Variants in EFNA5 observed in about 807,000 individuals in gnomAD.
EFNA5 encodes ephrin-A5.
Under a neutral mutation model 22.9 loss-of-function variants are expected in EFNA5, and 5 were observed. The ratio of observed to expected loss-of-function variants is 0.22; its 90% confidence interval spans 0.11 to 0.46. The LOEUF is 0.46. Ranked by LOEUF, EFNA5 falls within the 20% of genes least tolerant of loss-of-function variation. EFNA5 has a pLI of 0.99. For missense variants in EFNA5, 237 were observed against 293.3 expected, an observed-to-expected ratio of 0.81 and a Z score of 1.40; for synonymous variants, 113 against 112.2, an observed-to-expected ratio of 1.01 and a Z score of -0.04.
At chr5:107,659,399 A>T (rs564277006) in intron 1 of EFNA5, among the ~76,000 whole-genome samples, 1 of 151,962 alleles carries the variant, frequency 6.6e-6, no homozygotes, top group Admixed American at 6.6e-5. Flanking sequence ...GAAATCCAAA[A>T]TTGATTCCAA....
rs1040492827 is a variant in EFNA5, at chr5:107,380,782, G to C, written c.*473C>G. Reference sequence around the variant, plus strand: ...GACATGGTGACATGATGCCCTGCGCGATCATCTTACAGTTCTGAATGAGAA... The same window carrying C: ...GACATGGTGACATGATGCCCTGCGCCATCATCTTACAGTTCTGAATGAGAA... On this transcript the variant is annotated 3_prime_UTR_variant, in exon 5 of 5. Transcript: ENST00000333274. 27 of 399,846 alleles carry C rather than the reference G, an allele frequency of 6.8e-5. No individual in the cohort carries two copies. The highest frequency in any genetic ancestry group is 8.8e-6 in the Non-Finnish European group (2 of 226,926). The allele number at this position is 399,846 out of a possible 1,614,324, so 24.8% of individuals were successfully genotyped here.
At chr5:107,409,164 C>T (rs1748296900) in intron 2 of EFNA5, among the ~76,000 whole-genome samples, 1 of 152,226 alleles carries the variant, frequency 6.6e-6, no homozygotes, top group African/African-American at 2.4e-5. Flanking sequence ...TAAATACTTA[C>T]ACCACCCTAG....
chr5:107,459,177 T>G (rs184090500), intron 1 of EFNA5, among the ~76,000 whole-genome samples: 1 of 152,066 alleles, frequency 6.6e-6, no homozygotes, highest in African/African-American at 2.4e-5. Flanking sequence ...GTGGATCACC[T>G]GAGGTCTGAA....
Position 107,589,081 on chromosome 5 carries a change from T to G in EFNA5, c.125+81408A>C, listed in dbSNP as rs75952484. On this transcript the variant is annotated intron_variant, in intron 1 of 4. Coordinates refer to ENST00000333274, the MANE Select transcript of EFNA5 (RefSeq NM_001962.3). ...GTGGCAGTATGAGAGTGAAACCCAG[T>G]CTAGAGACTTGCCATTTCAAGTGGC... 3.9e-3 allele frequency among the ~76,000 whole-genome samples: 593 copies of G among 152,230 alleles called. 5 individuals are homozygous for G. The highest frequency in any genetic ancestry group is 0.014 in the African/African-American group (569 of 41,540).
chr5:107,528,736 T>G (rs565252539), intron 1 of EFNA5, among the ~76,000 whole-genome samples: 48 of 152,322 alleles, frequency 3.2e-4, no homozygotes, highest in African/African-American at 1.0e-3. Flanking sequence ...ATGGTCAAAC[T>G]ATTGCAAATG....
At chr5:107,598,227 T>TATTC (rs1235983728) in intron 1 of EFNA5, among the ~76,000 whole-genome samples, 1 of 152,152 alleles carries the variant, frequency 6.6e-6, no homozygotes, top group African/African-American at 2.4e-5. Context: ...ACAGTGTTAT[T>TATTC]ATTCACATTT....
intron 4 of EFNA5, among the ~76,000 whole-genome samples, chr5:107,382,231 T>C (rs1039912185): frequency 3.3e-5 from 5 of 152,216 alleles, no homozygotes; most frequent in Non-Finnish European, 7.3e-5. Context: ...CAGGCTTAAC[T>C]TCCAAATGGG....
intron 1 of EFNA5, among the ~76,000 whole-genome samples, chr5:107,558,275 T>TC (rs1748466837): frequency 6.6e-6 from 1 of 152,080 alleles, no homozygotes; most frequent in South Asian, 2.1e-4. Flanking sequence ...GTTTTTTTTT[T>TC]GTTGTTTATT....
chr5:107,662,826 G>C (rs1349692375), intron 1 of EFNA5, among the ~76,000 whole-genome samples: 1 of 136,420 alleles, frequency 7.3e-6, no homozygotes, highest in African/African-American at 2.7e-5. Flanking sequence ...CAAATAAAAA[G>C]AACTACTTAG....
chr5:107,591,313 T>G (rs1375654170), intron 1 of EFNA5, among the ~76,000 whole-genome samples: 2 of 152,152 alleles, frequency 1.3e-5, no homozygotes, highest in African/African-American at 2.4e-5. Flanking sequence ...CTGGCAACAC[T>G]GTCCATATTA....
At chr5:107,602,902 G>T (rs1483928643) in intron 1 of EFNA5, among the ~76,000 whole-genome samples, 2 of 152,152 alleles carry the variant, frequency 1.3e-5, no homozygotes, top group Admixed American at 6.5e-5. Flanking sequence ...GGGATAAAAA[G>T]CCCTAGATAC....
At chr5:107,621,710 C>G (rs1275642548) in intron 1 of EFNA5, among the ~76,000 whole-genome samples, 3 of 152,176 alleles carry the variant, frequency 2.0e-5, no homozygotes, top group South Asian at 2.1e-4. Context: ...GAGCATTAAA[C>G]TAGAAAACAT....
chr5:107,436,930 T>C (rs152605), intron 1 of EFNA5, among the ~76,000 whole-genome samples: 38,167 of 151,788 alleles, frequency 0.25, 4,979 homozygotes, highest in East Asian at 0.53. Flanking sequence ...TAATAATAAC[T>C]AAAGGGTTAA....
Position 107,480,534 on chromosome 5 carries a change from T to C in EFNA5, c.126-53025A>G, listed in dbSNP as rs140457715. On this transcript the variant is annotated intron_variant, in intron 1 of 4. Coordinates refer to ENST00000333274, the MANE Select transcript of EFNA5 (RefSeq NM_001962.3). ...ATACGTAAAGCGCTGGCCTAGGCAC[T>C]ATATGGATCAAGACTAAAGACACAG... Among the ~76,000 whole-genome samples, 538 of 152,342 alleles carry C rather than the reference T, an allele frequency of 3.5e-3. 5 individuals are homozygous for C. Among genetic ancestry groups the C allele is most frequent in the African/African-American group, 0.011 (457 of 41,570 alleles).
intron 1 of EFNA5, among the ~76,000 whole-genome samples, chr5:107,649,281 A>G (rs555066726): frequency 6.6e-6 from 1 of 152,276 alleles, no homozygotes; most frequent in Non-Finnish European, 1.5e-5. Flanking sequence ...TATTTTTTTA[A>G]AAGATATTTT....
intron 1 of EFNA5, among the ~76,000 whole-genome samples, chr5:107,467,501 A>C (rs940577705): frequency 6.6e-6 from 1 of 152,210 alleles, no homozygotes; most frequent in African/African-American, 2.4e-5. Context: ...AAGGCTATAA[A>C]GTTTCCATGA....
intron 1 of EFNA5, among the ~76,000 whole-genome samples, chr5:107,598,456 G>C (rs1021041565): frequency 3.3e-5 from 5 of 151,342 alleles, no homozygotes; most frequent in Non-Finnish European, 7.4e-5. Flanking sequence ...ACTTAATATA[G>C]AAAAATCAAG....
rs917461013 is a variant in EFNA5, at chr5:107,423,408, A to G, written c.418+3809T>C. Reference sequence around the variant, plus strand: ...GAGTATTTTTTAAGTTTCTAAAAGGAGTATTAAAAAAAAAAAAAAGACAGG... The same window carrying G: ...GAGTATTTTTTAAGTTTCTAAAAGGGGTATTAAAAAAAAAAAAAAGACAGG... On this transcript the variant is annotated intron_variant, in intron 2 of 4. Coordinates refer to ENST00000333274, the MANE Select transcript of EFNA5 (RefSeq NM_001962.3). 1.7e-3 allele frequency among the ~76,000 whole-genome samples: 144 copies of G among 82,466 alleles called. 2 individuals carry two copies. Among genetic ancestry groups the G allele is most frequent in the African/African-American group, 6.1e-3 (141 of 23,030 alleles). 54.1% of individuals were successfully genotyped at this position (82,466 alleles called of 152,430 possible). A position where few individuals can be genotyped will look rare whatever the true frequency, so the allele number is the denominator to read the frequency against.
At chr5:107,465,445 G>A (rs1192216675) in intron 1 of EFNA5, among the ~76,000 whole-genome samples, 1 of 152,108 alleles carries the variant, frequency 6.6e-6, no homozygotes, top group Non-Finnish European at 1.5e-5. Flanking sequence ...TAACATGGCA[G>A]AACACCAAGG....
Sources: gnomAD v4.1 joint callset for allele counts (sites outside exome capture counted in the v4.1 genomes callset) on GRCh38, gnomAD v4.1.1 for gene constraint, MANE v1.5 for transcripts, NCBI Gene and HGNC (gene_info 2026-07-23, HGNC 2026-07-21) for gene names.